Variants in ARID4A observed in about 807,000 individuals in gnomAD.
ARID4A encodes the protein AT-rich interactive domain-containing protein 4A.
In ARID4A, 39 loss-of-function variants were observed where a neutral mutation model predicts 148.6. The observed-to-expected ratio is 0.26, with a 90% CI of 0.20 to 0.34. ARID4A has a LOEUF of 0.34. Among genes scored for constraint, ARID4A ranks in the 10% least tolerant of loss-of-function variants. The pLI is 1.00. For missense variants in ARID4A, 1,265 were observed against 1,449.1 expected (o/e 0.87, Z 2.06); for synonymous variants, 475 against 481.2 (o/e 0.99, Z 0.17).
In ARID4A at chr14:58,347,795, A is replaced by G. The variant is rs779802449; in HGVS notation, c.1321A>G (p.Thr441Ala). 1.2e-6 allele frequency: 2 copies of G among 1,613,902 alleles called. No individual in the cohort carries two copies. Among genetic ancestry groups the G allele is most frequent in the Non-Finnish European group, 1.7e-6 (2 of 1,179,864 alleles). The change falls in exon 15 of 24, where the codon ACA becomes GCA. Residue 441 changes from threonine (T) to alanine (A), a missense_variant. By Grantham distance (58) the Thr-to-Ala change is moderately conservative. This residue lies in a region of ARID4A where 205 missense variants were observed against 196.9 expected (regional missense o/e 1.04). Transcript: ENST00000355431. Reference sequence around the variant, plus strand: ...CAAATTAGATCAAGAAATGCCTTTAACAGAAGTGAAGAGTGAACCTGAGGA... The same window carrying G: ...CAAATTAGATCAAGAAATGCCTTTAGCAGAAGTGAAGAGTGAACCTGAGGA... Reference protein sequence around the residue: ...ALKLDQEMPLTEVKSEPEENI... With the variant: ...ALKLDQEMPLAEVKSEPEENI...
rs386381476 is a variant in ARID4A, at chr14:58,322,963, CA to C, written c.450-504del. On this transcript the variant is annotated intron_variant, in intron 7 of 23. Coordinates refer to ENST00000355431, the MANE Select transcript of ARID4A (RefSeq NM_002892.4). ...GGGTGACAAAGCGAGACTCCATTTC[CA>C]AAAAAAAAAAAAAAAAATATATATA... is the stretch of plus-strand genomic sequence containing the variant. 1.4e-3 allele frequency among the ~76,000 whole-genome samples: 60 copies of C among 42,244 alleles called. 1 individual carries two copies. In the East Asian group the frequency reaches 0.021, roughly 15 times the overall value. The allele number at this position is 42,244 out of a possible 152,430, so 27.7% of individuals were successfully genotyped here. A position where few individuals can be genotyped will look rare whatever the true frequency, so the allele number is the denominator to read the frequency against.
chr14:58,300,916 C>T (rs902504931), intron 2 of ARID4A, among the ~76,000 whole-genome samples: 4 of 151,524 alleles, frequency 2.6e-5, no homozygotes, highest in East Asian at 3.9e-4. Context: ...ATGTATCATT[C>T]TGGTCGTGTC....
intron 5 of ARID4A, among the ~76,000 whole-genome samples, chr14:58,310,102 C>T (rs1265211303): frequency 1.3e-5 from 2 of 152,236 alleles, no homozygotes; most frequent in East Asian, 1.9e-4. Context: ...CTATCATAGG[C>T]TTTAACTCAT....
intron 11 of ARID4A, among the ~76,000 whole-genome samples, chr14:58,332,375 T>C (rs1290351578): frequency 2.6e-5 from 4 of 152,128 alleles, no homozygotes; most frequent in African/African-American, 9.6e-5. Flanking sequence ...CTGATTCATA[T>C]GATTATTTAT....
chr14:58,305,242 T>G (rs1175436387), intron 4 of ARID4A, among the ~76,000 whole-genome samples: 1 of 152,118 alleles, frequency 6.6e-6, no homozygotes, highest in Non-Finnish European at 1.5e-5. Flanking sequence ...CATGTTAAGT[T>G]TTTCACCTAC....
intron 5 of ARID4A, among the ~76,000 whole-genome samples, chr14:58,312,663 T>G (rs2032129354): frequency 6.6e-6 from 1 of 152,250 alleles, no homozygotes; most frequent in African/African-American, 2.4e-5. Flanking sequence ...ATAATGATAC[T>G]TAATTTTCCA....
chr14:58,360,845 T>C (rs2035102253), intron 18 of ARID4A, 56 bp from the exon 19 acceptor site: 2 of 1,547,952 alleles, frequency 1.3e-6, no homozygotes, highest in East Asian at 2.3e-5. Flanking sequence ...ATAAGTAGAA[T>C]GTTCATTTTT....
At chr14:58,347,448 C>T (rs970362602) in intron 14 of ARID4A, among the ~76,000 whole-genome samples, 199 bp from the exon 15 acceptor site, 5 of 152,134 alleles carry the variant, frequency 3.3e-5, no homozygotes, top group African/African-American at 7.2e-5. Flanking sequence ...CAAGCTCAGA[C>T]GTCTCAGGAC....
chr14:58,366,133 A>G lies in ARID4A; in HGVS notation c.3426A>G (p.Ala1142=), dbSNP rs372987780. ...SKPQKLARSP[A]RISPHIKDGE... is the part of the protein sequence containing the mutation. ...CACAGAAACTTGCACGATCTCCTGC[A>G]AGAATATCCCCGCACATCAAAGATG... The change falls in exon 22 of 24, where the codon GCA becomes GCG. Residue 1142 remains alanine, a synonymous_variant. Coordinates refer to ENST00000355431, the MANE Select transcript of ARID4A (RefSeq NM_002892.4). The G allele has an allele frequency of 4.2e-5, 68 of 1,613,818 alleles. No homozygotes were observed. Among genetic ancestry groups the G allele is most frequent in the Non-Finnish European group, 5.3e-5 (62 of 1,179,852 alleles).
intron 8 of ARID4A, among the ~76,000 whole-genome samples, chr14:58,327,508 TTTTTTTTTTTTAATGACCA>T (rs1566686844): frequency 4.2e-5 from 6 of 144,106 alleles, no homozygotes; most frequent in Non-Finnish European, 9.1e-5. Flanking sequence ...GTAACATAGA[TTTTTTTTTTTTAATGACCA>T]GATTTCAAAA....
chr14:58,345,433 T>A (rs2034312067), intron 12 of ARID4A, among the ~76,000 whole-genome samples: 1 of 152,216 alleles, frequency 6.6e-6, no homozygotes, highest in Non-Finnish European at 1.5e-5. Context: ...TAAACTAGCC[T>A]GATCCTTGTT....
At chr14:58,362,000 A>C (rs1396402092) in intron 19 of ARID4A, among the ~76,000 whole-genome samples, 1 of 152,200 alleles carries the variant, frequency 6.6e-6, no homozygotes, top group Non-Finnish European at 1.5e-5. Context: ...GTTTTCATTT[A>C]GGAATACTTT....
At chr14:58,362,993 T>C (rs1566722618) in intron 19 of ARID4A, among the ~76,000 whole-genome samples, 3 of 152,256 alleles carry the variant, frequency 2.0e-5, no homozygotes. Flanking sequence ...ATCCTTCCTC[T>C]TTACTGCCAT....
intron 11 of ARID4A, among the ~76,000 whole-genome samples, chr14:58,340,614 T>G (rs1873386863): frequency 1.3e-5 from 2 of 152,164 alleles, no homozygotes; most frequent in South Asian, 4.1e-4. Flanking sequence ...CCTCCCAAAG[T>G]GCTGGGATTA....
intron 8 of ARID4A, among the ~76,000 whole-genome samples, chr14:58,323,963 G>C (rs2033068177): frequency 7.3e-6 from 1 of 137,582 alleles, no homozygotes; most frequent in East Asian, 2.1e-4. Context: ...GGAGTGCAGT[G>C]GCGCGATCTC....
chr14:58,327,775 G>T (rs1232952799), intron 8 of ARID4A, among the ~76,000 whole-genome samples: 1 of 152,024 alleles, frequency 6.6e-6, no homozygotes, highest in Non-Finnish European at 1.5e-5. Flanking sequence ...GGGCTCAAGT[G>T]ATCTTACCAT....
At chr14:58,358,707 G>A (rs2035000169) in intron 17 of ARID4A, among the ~76,000 whole-genome samples, 1 of 152,112 alleles carries the variant, frequency 6.6e-6, no homozygotes, top group Non-Finnish European at 1.5e-5. Flanking sequence ...AAAATAACTT[G>A]ATAAAATAAC....
At chr14:58,360,223 T>G (rs531807680) in intron 18 of ARID4A, among the ~76,000 whole-genome samples, 1 of 152,226 alleles carries the variant, frequency 6.6e-6, no homozygotes, top group Non-Finnish European at 1.5e-5. Flanking sequence ...CTGTAGAGGC[T>G]TTATAGGAGA....
chr14:58,341,452 C>T (rs1453737131), intron 11 of ARID4A, among the ~76,000 whole-genome samples: 2 of 152,214 alleles, frequency 1.3e-5, no homozygotes, highest in Non-Finnish European at 2.9e-5. Context: ...ACTGCCAGTT[C>T]ATCTCGAGGA....
Sources: allele counts gnomAD v4.1 joint callset (sites outside exome capture counted in the v4.1 genomes callset), GRCh38; gene constraint gnomAD v4.1.1; regional missense constraint gnomAD v4.1.1; transcripts MANE v1.5; gene names NCBI Gene and HGNC (gene_info 2026-07-23, HGNC 2026-07-21).